FER1L6: variants seen among roughly 807,000 people sequenced by gnomAD.
FER1L6 encodes the protein fer-1 like family member 6, also known as fer-1-like protein 6.
FER1L6 carries 177 observed loss-of-function variants against 219.2 expected under a neutral mutation model. That is an observed-to-expected ratio of 0.81 (90% confidence interval 0.71 to 0.91). The LOEUF (loss-of-function observed/expected upper bound fraction) is 0.91. Ranked by LOEUF, FER1L6 falls within the 40% of genes least tolerant of loss-of-function variation. The pLI is 0.00. For synonymous variants in FER1L6, 768 were observed against 824.3 expected, an observed-to-expected ratio of 0.93 and a Z score of 1.17; for missense variants, 2,153 against 2,259.9, an observed-to-expected ratio of 0.95 and a Z score of 0.96.
intron 1 of FER1L6, among the ~76,000 whole-genome samples, chr8:123,908,351 G>A (rs1812994154): frequency 6.6e-6 from 1 of 152,198 alleles, no homozygotes. Flanking sequence ...CTGCAATTGG[G>A]AGTGGTATTG....
rs143166938 is a variant in FER1L6, at chr8:124,091,705, G to A, written c.4552+122G>A. 6.5e-4 allele frequency: 675 copies of A among 1,035,534 alleles called. 1 individual carries two copies. In the African/African-American group the frequency reaches 9.7e-3, roughly 15 times the overall value. 64.1% of individuals were successfully genotyped at this position (1,035,534 alleles called of 1,614,324 possible). On this transcript the variant is annotated intron_variant, in intron 34 of 40. Coordinates refer to ENST00000522917, the MANE Select transcript of FER1L6 (RefSeq NM_001039112.2). ...AATGTGGCCAGGCACAGTGGCTCAC[G>A]TCTGTAATCCCAGCACTATGGGAGG... is the stretch of plus-strand genomic sequence containing the variant.
chr8:123,916,542 T>C (rs1813196473), intron 1 of FER1L6, among the ~76,000 whole-genome samples: 1 of 152,178 alleles, frequency 6.6e-6, no homozygotes, highest in South Asian at 2.1e-4. Flanking sequence ...TCATGCAGAT[T>C]GAGTTCATTG....
Position 123,973,469 on chromosome 8 carries a change from T to C in FER1L6, c.483T>C (p.Ile161=). Residue 161 remains isoleucine, a synonymous_variant, in exon 7 of 41, where the codon ATT becomes ATC. Coordinates refer to ENST00000522917, the MANE Select transcript of FER1L6 (RefSeq NM_001039112.2). ...FHHKLIGSVL[I]GSFKVDLGTV... Reference sequence around the variant, plus strand: ...ACAAGCTGATAGGAAGTGTACTGATTGGCTCTTTCAAAGTAGACCTGGGGA... The same window carrying C: ...ACAAGCTGATAGGAAGTGTACTGATCGGCTCTTTCAAAGTAGACCTGGGGA... 2 of 1,614,100 alleles carry C rather than the reference T, an allele frequency of 1.2e-6. No homozygotes were observed. The highest frequency in any genetic ancestry group is 4.5e-5 in the East Asian group (2 of 44,874).
chr8:123,978,469 T>G (rs1816189120), intron 10 of FER1L6, among the ~76,000 whole-genome samples: 2 of 152,142 alleles, frequency 1.3e-5, no homozygotes, highest in South Asian at 4.1e-4. Flanking sequence ...TTCCACTCAG[T>G]TATATGGCTC....
intron 1 of FER1L6, among the ~76,000 whole-genome samples, chr8:123,891,428 T>TA (rs58510964): frequency 3.9e-5 from 6 of 152,198 alleles, no homozygotes; most frequent in African/African-American, 1.4e-4. Context: ...TTCTTTTTTT[T>TA]AATGATGGAG....
chr8:123,937,548 G>T (rs1300644940), intron 1 of FER1L6, among the ~76,000 whole-genome samples: 5 of 152,074 alleles, frequency 3.3e-5, no homozygotes, highest in African/African-American at 1.2e-4. Flanking sequence ...TGATACTCAC[G>T]TTGGAAAGAA....
Position 123,989,489 on chromosome 8 carries a change from T to C in FER1L6, c.1519+3313T>C, listed in dbSNP as rs150845505. ...CCTTGGTGAAGTCCATGATGAAGTC[T>C]AGGATTTTACTGCACCTGTCACCCA... On this transcript the variant is annotated intron_variant, in intron 12 of 40. Coordinates refer to ENST00000522917, the MANE Select transcript of FER1L6 (RefSeq NM_001039112.2). 7.2e-5 allele frequency among the ~76,000 whole-genome samples: 11 copies of C among 152,334 alleles called. No individual in the cohort carries two copies. In the East Asian group the frequency reaches 1.9e-3, roughly 27 times the overall value.
intron 1 of FER1L6, among the ~76,000 whole-genome samples, chr8:123,900,685 G>A (rs544543039): frequency 2.0e-5 from 3 of 152,212 alleles, no homozygotes; most frequent in East Asian, 3.9e-4. Flanking sequence ...CTTGTATGCC[G>A]ATTTTGCTGA....
intron 1 of FER1L6, among the ~76,000 whole-genome samples, chr8:123,855,830 T>C (rs1816628336): frequency 6.7e-6 from 1 of 148,178 alleles, no homozygotes; most frequent in Admixed American, 6.8e-5. Context: ...ACAGTAGGGC[T>C]GGTCATATGG....
chr8:123,960,460 T>G (rs1410268016), intron 2 of FER1L6, among the ~76,000 whole-genome samples: 2 of 152,186 alleles, frequency 1.3e-5, no homozygotes, highest in African/African-American at 4.8e-5. Context: ...TTCATTTAAG[T>G]TTCCTAAATG....
At chr8:123,898,438 C>T (rs1812786254) in intron 1 of FER1L6, among the ~76,000 whole-genome samples, 1 of 151,758 alleles carries the variant, frequency 6.6e-6, no homozygotes, top group African/African-American at 2.4e-5. Context: ...CTTGCCCCCT[C>T]CTACTCTTCC....
At chr8:124,005,015 C>A (rs113493729) in intron 13 of FER1L6, among the ~76,000 whole-genome samples, 1 of 151,244 alleles carries the variant, frequency 6.6e-6, no homozygotes, top group Non-Finnish European at 1.5e-5. Context: ...AAAAAAAAAT[C>A]GTCAACTGTT....
chr8:123,954,120 A>G (rs1398040092), intron 1 of FER1L6, among the ~76,000 whole-genome samples: 1 of 152,140 alleles, frequency 6.6e-6, no homozygotes, highest in Non-Finnish European at 1.5e-5. Flanking sequence ...AGTTCTTTCC[A>G]TTATACACAG....
intron 1 of FER1L6, among the ~76,000 whole-genome samples, chr8:123,926,146 G>A (rs565785101): frequency 2.0e-5 from 3 of 152,322 alleles, no homozygotes; most frequent in Admixed American, 6.5e-5. Flanking sequence ...ATTTGGTGAC[G>A]TGGTGGCAGC....
rs563296724 is a variant in FER1L6, at chr8:123,866,521, T to G, written c.-8+14336T>G. Among the ~76,000 whole-genome samples the G allele has an allele frequency of 2.6e-5, 4 of 152,308 alleles. No individual in the cohort carries two copies. In the South Asian group the frequency reaches 8.3e-4, roughly 32 times the overall value. ...GATATATACCTAGAGATGAGATTGC[T>G]GAATCATACAGTAATTCTATTTTTA... On this transcript the variant is annotated intron_variant, in intron 1 of 40. Coordinates refer to ENST00000522917, the MANE Select transcript of FER1L6 (RefSeq NM_001039112.2).
intron 1 of FER1L6, among the ~76,000 whole-genome samples, chr8:123,929,761 G>T (rs1813698356): frequency 6.6e-6 from 1 of 152,174 alleles, no homozygotes; most frequent in African/African-American, 2.4e-5. Flanking sequence ...ATAAAGTCAA[G>T]TGTGAGAACT....
intron 1 of FER1L6, among the ~76,000 whole-genome samples, chr8:123,898,797 A>ATATGTACACATATACG (rs1554613191): frequency 2.1e-5 from 3 of 143,056 alleles, no homozygotes; most frequent in Non-Finnish European, 4.5e-5. Context: ...ACATATATAC[A>ATATGTACACATATACG]TATATACACA....
At chr8:123,919,289 C>T (rs1050383847) in intron 1 of FER1L6, among the ~76,000 whole-genome samples, 1 of 152,176 alleles carries the variant, frequency 6.6e-6, no homozygotes, top group Non-Finnish European at 1.5e-5. Flanking sequence ...CTTCTCATGC[C>T]TTAGGTTTGC....
At position 123,853,066 on chromosome 8, in the gene FER1L6, A is replaced by G. The variant is rs1050675757; in HGVS notation, c.-8+881A>G. Among the ~76,000 whole-genome samples, 4 of 152,090 alleles carry G rather than the reference A, an allele frequency of 2.6e-5. No individual in the cohort carries two copies. Among genetic ancestry groups the G allele is most frequent in the Non-Finnish European group, 5.9e-5 (4 of 68,012 alleles). On this transcript the variant is annotated intron_variant, in intron 1 of 40. Coordinates refer to ENST00000522917, the MANE Select transcript of FER1L6 (RefSeq NM_001039112.2). This position sits in a 1 kb window ranked among gnomAD's most constrained non-coding sequence, Gnocchi z 6.6. ...GCTATGTTGCTCAGGTTGGTCTCAA[A>G]CTCCTGGGCTCAAGCGATCCTCCTG...
Sources: allele counts gnomAD v4.1 joint callset (sites outside exome capture counted in the v4.1 genomes callset), GRCh38; gene constraint gnomAD v4.1.1; non-coding constraint Gnocchi (gnomAD v3.1); transcripts MANE v1.5; gene names NCBI Gene and HGNC (gene_info 2026-07-23, HGNC 2026-07-21).